TMIGD3: variants seen among roughly 807,000 people sequenced by gnomAD.
The protein encoded by TMIGD3 is transmembrane and immunoglobulin domain containing 3, also known as AD026 protein (AD026).
In TMIGD3, 21 loss-of-function variants were observed where a neutral mutation model predicts 28.1. That is an observed-to-expected ratio of 0.75 (90% CI 0.53 to 1.08). The LOEUF is 1.08. TMIGD3 is among the 50% of genes least tolerant of loss of function. The probability of loss-of-function intolerance (pLI) is 0.00; values close to 1 mark genes in which losing one functional copy is unlikely to be tolerated. For synonymous variants in TMIGD3, 151 were observed against 162.1 expected, an observed-to-expected ratio of 0.93 and a Z score of 0.52; for missense variants, 416 against 435.6, an observed-to-expected ratio of 0.96 and a Z score of 0.40.
intron 1 of TMIGD3, among the ~76,000 whole-genome samples, chr1:111,549,649 CAA>C (rs370585012): frequency 4.4e-4 from 42 of 94,386 alleles, no homozygotes; most frequent in South Asian, 7.1e-4. Context: ...GACTCTGTTT[CAA>C]AAAAAAAAAA....
intron 1 of TMIGD3, among the ~76,000 whole-genome samples, chr1:111,539,288 C>T (rs544755534): frequency 6.6e-6 from 1 of 152,182 alleles, no homozygotes; most frequent in South Asian, 2.1e-4. Context: ...GTCTGTTGTT[C>T]CCATCTCTTT....
rs192845041 is a variant in TMIGD3, at chr1:111,552,844, G to A, written c.107+11002C>T. Reference sequence around the variant, plus strand: ...AAGTATTGCTATGAGGATTAAATGAGTTAACACTTGTCAAGTGATTAGTAC... The same window carrying A: ...AAGTATTGCTATGAGGATTAAATGAATTAACACTTGTCAAGTGATTAGTAC... On this transcript the variant is annotated intron_variant, in intron 1 of 5. Coordinates refer to the TMIGD3 transcript ENST00000369717. Among the ~76,000 whole-genome samples the A allele has an allele frequency of 6.6e-5, 10 of 152,328 alleles. No homozygotes were observed. The East Asian group carries it at 1.9e-3, about 29-fold the overall frequency.
chr1:111,548,421 A>C (rs1282682378), intron 1 of TMIGD3, among the ~76,000 whole-genome samples: 2 of 152,200 alleles, frequency 1.3e-5, no homozygotes, highest in Admixed American at 1.3e-4. Flanking sequence ...TAATCCTTTA[A>C]AGAAATGCTT....
rs1654390171 is a variant in TMIGD3, at chr1:111,486,648, T to C, written c.810A>G (p.Leu270=). The C allele has an allele frequency of 1.2e-6, 2 of 1,613,896 alleles. No individual in the cohort carries two copies. The highest frequency in any genetic ancestry group is 8.5e-7 in the Non-Finnish European group (1 of 1,179,908). ...LANDFWSGKD[L]SGNKTRSCKA... is the part of the protein sequence containing the mutation. Reference sequence around the variant, plus strand: ...TGCAGCTTCTGGTTTTGTTGCCTGATAGGTCTGAATCAGAAAGGATTTGTT... The same window carrying C: ...TGCAGCTTCTGGTTTTGTTGCCTGACAGGTCTGAATCAGAAAGGATTTGTT... Residue 270 remains leucine (L), a synonymous_variant, in exon 4 of 6, where the codon CTA becomes CTG. Coordinates refer to ENST00000369716, the MANE Select transcript of TMIGD3 (RefSeq NM_020683.7).
upstream of TMIGD3, chr1:111,504,721 TC>T: frequency 3.9e-6 from 1 of 255,468 alleles, no homozygotes; most frequent in Non-Finnish European, 6.2e-6. Flanking sequence ...AACAAACACT[TC>T]AGAGTGGGGC....
At chr1:111,504,930 C>G (rs1344182020), upstream of TMIGD3, 4 of 985,156 alleles carry the variant, frequency 4.1e-6, no homozygotes, top group African/African-American at 7.0e-5. Context: ...AAGGGCAGTC[C>G]TCTCCAACTG....
intron 1 of TMIGD3, among the ~76,000 whole-genome samples, chr1:111,498,963 T>G (rs1039910044): frequency 2.0e-5 from 3 of 151,876 alleles, no homozygotes; most frequent in Admixed American, 2.0e-4. Context: ...CTTGATGGCA[T>G]GTACCTGGTC....
In TMIGD3 at chr1:111,503,508, G is replaced by T. The variant is rs1655363218; in HGVS notation, c.-154C>A. On this transcript the variant is annotated 5_prime_UTR_variant, in exon 1 of 6. Coordinates refer to ENST00000369716, the MANE Select transcript of TMIGD3 (RefSeq NM_020683.7). ...ACTTGCTCATTCCTACCCTTTTCTG[G>T]TGGGGTGATCTCTTGGAAACCCTTC... The T allele has an allele frequency of 7.0e-7, 1 of 1,437,474 alleles. No homozygotes were observed. The highest frequency in any genetic ancestry group is 1.4e-5 in the African/African-American group (1 of 69,714). 89.0% of individuals were successfully genotyped at this position (1,437,474 alleles called of 1,614,324 possible). A position where few individuals can be genotyped will look rare whatever the true frequency, so the allele number is the denominator to read the frequency against.
rs568642922 is a variant in TMIGD3 at position 111,548,870 on chromosome 1, A to G, written c.107+14976T>C. On this transcript the variant is annotated intron_variant, in intron 1 of 5. Transcript: ENST00000369717. The stretch of plus-strand genomic sequence containing the variant: ...TCTTGCTTCAATTTTAACAAAATTC[A>G]TGTCGCTCTGATATGGGCTGTTTTC... Among the ~76,000 whole-genome samples the G allele has an allele frequency of 3.4e-3, 519 of 152,302 alleles. 3 individuals are homozygous for G. The highest frequency in any genetic ancestry group is 0.012 in the African/African-American group (488 of 41,560).
intron 4 of TMIGD3, 71 bp from the exon 5 acceptor site, chr1:111,485,911 T>A: frequency 8.1e-7 from 1 of 1,239,812 alleles, no homozygotes; most frequent in Non-Finnish European, 1.1e-6. Flanking sequence ...TCTGGATCCC[T>A]TTTTCTGGGA....
In TMIGD3 at chr1:111,503,347, T is replaced by C. The variant is rs1261219016; in HGVS notation, c.8A>G (p.Asn3Ser). The change falls in exon 1 of 6, where the codon AAC becomes AGC. Residue 3 changes from asparagine to serine, a missense_variant. Transcript: ENST00000369716. ...GGCCAATGACAGAGCAGTGCTGTTG[T>C]TGGGCATCTTGCCTTCCCAGGGGAA... MP[N>S]NSTALSLANV... 1 of 1,608,054 alleles carries C rather than the reference T, an allele frequency of 6.2e-7. No homozygotes were observed. The highest frequency in any genetic ancestry group is 8.5e-7 in the Non-Finnish European group (1 of 1,175,720).
intron 1 of TMIGD3, among the ~76,000 whole-genome samples, chr1:111,558,351 TA>T (rs1336788616): frequency 2.8e-4 from 27 of 96,880 alleles, no homozygotes; most frequent in African/African-American, 1.5e-3. Context: ...CTAATTTTTC[TA>T]TTTTTTTTTT....
At chr1:111,520,434 A>T (rs1241587644) in intron 1 of TMIGD3, among the ~76,000 whole-genome samples, 1 of 152,214 alleles carries the variant, frequency 6.6e-6, no homozygotes, top group East Asian at 1.9e-4. Context: ...CAAAAGGGTG[A>T]GAGTAAATCT....
At chr1:111,553,700 A>G (rs1453424529) in intron 1 of TMIGD3, among the ~76,000 whole-genome samples, 2 of 152,168 alleles carry the variant, frequency 1.3e-5, no homozygotes, top group African/African-American at 4.8e-5. Flanking sequence ...TTTCACACGT[A>G]TACTGTGATG....
At chr1:111,546,492 G>T (rs1356305426) in intron 1 of TMIGD3, among the ~76,000 whole-genome samples, 1 of 152,014 alleles carries the variant, frequency 6.6e-6, no homozygotes, top group African/African-American at 2.4e-5. Flanking sequence ...GACTACTCCA[G>T]GTACTTCATA....
At chr1:111,523,410 A>G (rs1171653802) in intron 1 of TMIGD3, among the ~76,000 whole-genome samples, 2 of 152,084 alleles carry the variant, frequency 1.3e-5, no homozygotes, top group African/African-American at 4.8e-5. Flanking sequence ...TCTTTTCCCC[A>G]TTTATCTAAT....
intron 1 of TMIGD3, among the ~76,000 whole-genome samples, chr1:111,558,281 G>A (rs1657585563): frequency 6.6e-6 from 1 of 152,020 alleles, no homozygotes; most frequent in Non-Finnish European, 1.5e-5. Context: ...AGGCTCAAGT[G>A]GTCCTCTCAC....
chr1:111,517,148 G>T (rs1212315674), intron 1 of TMIGD3, among the ~76,000 whole-genome samples: 1 of 152,150 alleles, frequency 6.6e-6, no homozygotes, highest in Non-Finnish European at 1.5e-5. Flanking sequence ...CTAGCCTCAT[G>T]GAAACATTTA....
At chr1:111,484,223 A>G (rs1654251303) in intron 5 of TMIGD3, among the ~76,000 whole-genome samples, 4 of 152,186 alleles carry the variant, frequency 2.6e-5, no homozygotes, top group Admixed American at 2.6e-4. Context: ...GATGTGTGAT[A>G]GTTTGTCTTC....
Sources: allele counts gnomAD v4.1 joint callset (sites outside exome capture counted in the v4.1 genomes callset), GRCh38; gene constraint gnomAD v4.1.1; transcripts MANE v1.5; gene names NCBI Gene and HGNC (gene_info 2026-07-23, HGNC 2026-07-21).